Variants in VEGFC observed in about 807,000 individuals in gnomAD.
VEGFC encodes FLT4 ligand DHM.
Under a neutral mutation model 46.1 loss-of-function variants are expected in VEGFC, and 12 were observed. That is an observed-to-expected ratio of 0.26 (90% confidence interval 0.17 to 0.42). VEGFC has a LOEUF of 0.42. Ranked by LOEUF, VEGFC falls within the 10% of genes least tolerant of loss-of-function variation. The pLI is 1.00. For missense variants in VEGFC, 488 were observed against 529.4 expected, an observed-to-expected ratio of 0.92 and a Z score of 0.77; for synonymous variants, 232 against 195.5, an observed-to-expected ratio of 1.19 and a Z score of -1.56.
At chr4:176,745,390 T>C (rs1735243969) in intron 1 of VEGFC, among the ~76,000 whole-genome samples, 1 of 151,972 alleles carries the variant, frequency 6.6e-6, no homozygotes, top group South Asian at 2.1e-4. Flanking sequence ...TCGGGAACAC[T>C]CATTCAACAG....
At position 176,693,150 on chromosome 4, in the gene VEGFC, A is replaced by G. The variant is rs148482275; in HGVS notation, c.705-5223T>C. 3.2e-3 allele frequency among the ~76,000 whole-genome samples: 484 copies of G among 152,208 alleles called. 3 individuals are homozygous for G. Among genetic ancestry groups the G allele is most frequent in the African/African-American group, 0.011 (467 of 41,470 alleles). Reference sequence around the variant, plus strand: ...GAGAATAACTTTGACGAGCTGCGAGAAGAAGGCTTCAGACGATCAAATTAC... The same window carrying G: ...GAGAATAACTTTGACGAGCTGCGAGGAGAAGGCTTCAGACGATCAAATTAC... On this transcript the variant is annotated intron_variant, in intron 4 of 6. Coordinates refer to ENST00000618562, the MANE Select transcript of VEGFC (RefSeq NM_005429.5).
At chr4:176,738,803 T>A (rs1735100313) in intron 1 of VEGFC, among the ~76,000 whole-genome samples, 1 of 151,858 alleles carries the variant, frequency 6.6e-6, no homozygotes, top group Non-Finnish European at 1.5e-5. Flanking sequence ...AATCTATCCA[T>A]CTGACAAAAG....
At chr4:176,775,221 C>T (rs1453027054) in intron 1 of VEGFC, among the ~76,000 whole-genome samples, 1 of 151,844 alleles carries the variant, frequency 6.6e-6, no homozygotes, top group South Asian at 2.1e-4. Context: ...ACGGATTGGC[C>T]TATGGGCTCC....
At chr4:176,791,366 G>A (rs765286202) in intron 1 of VEGFC, among the ~76,000 whole-genome samples, 19 of 152,044 alleles carry the variant, frequency 1.2e-4, no homozygotes, top group Non-Finnish European at 2.6e-4. Flanking sequence ...GTAAGAAGTA[G>A]GAACACACAC....
In VEGFC at chr4:176,722,505, T is replaced by G. The variant is rs866423770; in HGVS notation, c.552+5273A>C. 3.5e-3 allele frequency among the ~76,000 whole-genome samples: 520 copies of G among 150,346 alleles called. 5 individuals are homozygous for G. Among genetic ancestry groups the G allele is most frequent in the Admixed American group, 7.8e-3 (118 of 15,102 alleles). ...TTTCTTTTGTTTTTTTTTTGTTTTTTTTTTTTTTGAGGCAGGGTCTGGCTC... is the reference window on the plus strand; with the variant it reads ...TTTCTTTTGTTTTTTTTTTGTTTTTGTTTTTTTTGAGGCAGGGTCTGGCTC... On this transcript the variant is annotated intron_variant, in intron 3 of 6. Coordinates refer to ENST00000618562, the MANE Select transcript of VEGFC (RefSeq NM_005429.5).
chr4:176,704,089 T>C (rs1191747475), intron 4 of VEGFC, among the ~76,000 whole-genome samples: 1 of 152,146 alleles, frequency 6.6e-6, no homozygotes, highest in African/African-American at 2.4e-5. Flanking sequence ...TTGGCACCTC[T>C]TACCACTTCC....
chr4:176,756,104 T>C (rs1735428525), intron 1 of VEGFC, among the ~76,000 whole-genome samples: 1 of 152,048 alleles, frequency 6.6e-6, no homozygotes, highest in Admixed American at 6.6e-5. Context: ...CTGAAATAAC[T>C]GGATAACCCT....
intron 1 of VEGFC, among the ~76,000 whole-genome samples, chr4:176,753,797 T>C (rs1043130356): frequency 6.6e-6 from 1 of 152,134 alleles, no homozygotes; most frequent in African/African-American, 2.4e-5. Flanking sequence ...ATATAGCATA[T>C]ACTTGCCAGT....
At chr4:176,691,725 T>G (rs926398843) in intron 4 of VEGFC, among the ~76,000 whole-genome samples, 1 of 152,210 alleles carries the variant, frequency 6.6e-6, no homozygotes, top group East Asian at 1.9e-4. Flanking sequence ...AAAAGATAAA[T>G]GTATTCCAAA....
At chr4:176,779,457 A>G (rs1185829471) in intron 1 of VEGFC, among the ~76,000 whole-genome samples, 2 of 152,170 alleles carry the variant, frequency 1.3e-5, no homozygotes, top group Non-Finnish European at 2.9e-5. Context: ...TACTGGAGTA[A>G]AAGAATAAAA....
At chr4:176,764,549 A>T (rs1305488991) in intron 1 of VEGFC, among the ~76,000 whole-genome samples, 1 of 152,246 alleles carries the variant, frequency 6.6e-6, no homozygotes. Context: ...ACAGTCTCAT[A>T]GTGCAGAGGT....
intron 4 of VEGFC, among the ~76,000 whole-genome samples, chr4:176,704,788 G>A (rs568375801): frequency 6.6e-6 from 1 of 152,184 alleles, no homozygotes; most frequent in South Asian, 2.1e-4. Context: ...GCCCATCCTT[G>A]GCTGGGCATA....
At chr4:176,746,046 A>G (rs1390379408) in intron 1 of VEGFC, among the ~76,000 whole-genome samples, 1 of 152,066 alleles carries the variant, frequency 6.6e-6, no homozygotes, top group African/African-American at 2.4e-5. Context: ...CAAGAAAGAT[A>G]CCAGGCCAGG....
Position 176,729,615 on chromosome 4 carries a change from G to T in VEGFC, c.279C>A (p.Asn93Lys), listed in dbSNP as rs1386150078. The T allele has an allele frequency of 6.2e-7, 1 of 1,613,776 alleles. No individual in the cohort carries two copies. ...TTGAGTTGAGGTTGGCCTGTTCTCT[G>T]TTATGTTGCCAGCCTCCTTTCCTTA... Reference protein sequence around the residue: ...CQLRKGGWQHNREQANLNSRT... With the variant: ...CQLRKGGWQHKREQANLNSRT... Residue 93 changes from asparagine (N) to lysine (K), a missense_variant, in exon 2 of 7, where the codon AAC becomes AAA. Transcript: ENST00000618562.
chr4:176,792,280 C>T lies in VEGFC; in HGVS notation c.32G>A (p.Cys11Tyr). The change falls in exon 1 of 7, where the codon TGT (cysteine) becomes TAT (tyrosine). Residue 11 changes from cysteine (C) to tyrosine (Y), a missense_variant. Transcript: ENST00000618562. The surrounding 1 kb of genome is among the most constrained non-coding windows in gnomAD (Gnocchi z 6.3). The stretch of plus-strand genomic sequence containing the variant: ...GAGCAGCGCAGCGGCGAGCAGAGAA[C>T]ACGCCACAGAGAAGAAGCCCAGCAA... MHLLGFFSVA[C>Y]SLLAAALLPG... 2 of 1,545,032 alleles carry T rather than the reference C, an allele frequency of 1.3e-6. No individual in the cohort carries two copies. Among genetic ancestry groups the T allele is most frequent in the Non-Finnish European group, 1.7e-6 (2 of 1,148,080 alleles).
At chr4:176,733,249 C>T (rs1343605106) in intron 1 of VEGFC, among the ~76,000 whole-genome samples, 2 of 151,852 alleles carry the variant, frequency 1.3e-5, no homozygotes, top group South Asian at 2.1e-4. Context: ...AAATTTCAGT[C>T]CTGTATAGTA....
chr4:176,764,778 T>A (rs910971154), intron 1 of VEGFC, among the ~76,000 whole-genome samples: 9 of 152,166 alleles, frequency 5.9e-5, no homozygotes, highest in African/African-American at 1.9e-4. Flanking sequence ...CACTGAATCC[T>A]CTCTAGAAAG....
chr4:176,715,513 T>C (rs979147987), intron 3 of VEGFC, among the ~76,000 whole-genome samples: 1 of 152,144 alleles, frequency 6.6e-6, no homozygotes, highest in Non-Finnish European at 1.5e-5. Flanking sequence ...CCAGCTCTTG[T>C]CACATACTAA....
At chr4:176,697,940 T>G (rs1388594116) in intron 4 of VEGFC, among the ~76,000 whole-genome samples, 1 of 148,514 alleles carries the variant, frequency 6.7e-6, no homozygotes, top group African/African-American at 2.5e-5. Flanking sequence ...AACAATGAGA[T>G]CACATGGACA....
Sources: allele counts gnomAD v4.1 joint callset (sites outside exome capture counted in the v4.1 genomes callset), GRCh38; gene constraint gnomAD v4.1.1; non-coding constraint Gnocchi (gnomAD v3.1); transcripts MANE v1.5; gene names NCBI Gene and HGNC (gene_info 2026-07-23, HGNC 2026-07-21).